The following FGD6 variants were observed in gnomAD, a reference collection of about 807,000 sequenced individuals.
The protein encoded by FGD6 is FYVE, RhoGEF and PH domain containing 6, also known as FYVE, RhoGEF and PH domain-containing protein 6.
A neutral mutation model predicts 149.4 loss-of-function variants in FGD6; 90 were observed. The observed-to-expected ratio is 0.60, with a 90% CI of 0.51 to 0.72. FGD6 has a LOEUF of 0.72. FGD6 is among the 30% of genes least tolerant of loss of function. FGD6 has a pLI of 0.00. For missense variants in FGD6, 1,437 were observed against 1,684.8 expected (o/e 0.85, Z 2.57); for synonymous variants, 527 against 584.0 (o/e 0.90, Z 1.41).
In FGD6 at chr12:95,172,752, C is replaced by G; in HGVS notation, c.2442-8G>C. 1 of 1,569,910 alleles carries G rather than the reference C, an allele frequency of 6.4e-7. No individual in the cohort carries two copies. Among genetic ancestry groups the G allele is most frequent in the Non-Finnish European group, 8.7e-7 (1 of 1,153,948 alleles). ...TCCTGGGATGCTCCTGAACTGCATT[C>G]AACAGAAAGCAGGTATTAGTCACCT... On this transcript the variant is annotated splice_region_variant and splice_polypyrimidine_tract_variant and intron_variant, in intron 2 of 20. Transcript: ENST00000343958.
chr12:95,118,673 GTT>G, intron 8 of FGD6, among the ~76,000 whole-genome samples: 1 of 152,288 alleles, frequency 6.6e-6, no homozygotes, highest in Non-Finnish European at 1.5e-5. Flanking sequence ...AAAGTCAAGT[GTT>G]TTGAATTTGA....
chr12:95,169,373 C>A (rs1421177393), intron 3 of FGD6, among the ~76,000 whole-genome samples: 1 of 150,978 alleles, frequency 6.6e-6, no homozygotes, highest in African/African-American at 2.4e-5. Flanking sequence ...CCATGATTAA[C>A]TAAAGAAATA....
intron 1 of FGD6, among the ~76,000 whole-genome samples, chr12:95,214,867 T>TC (rs2056746194): frequency 1.3e-5 from 2 of 148,978 alleles, no homozygotes; most frequent in South Asian, 4.3e-4. Context: ...TTTTCTTTTT[T>TC]TTTTTTTTTT....
intron 7 of FGD6, among the ~76,000 whole-genome samples, chr12:95,135,908 G>T (rs1879652579): frequency 2.0e-5 from 3 of 152,110 alleles, no homozygotes; most frequent in Admixed American, 6.6e-5. Flanking sequence ...CAAAACCTGG[G>T]TCAATCATCA....
At chr12:95,082,776 A>T (rs546651451) in intron 20 of FGD6, among the ~76,000 whole-genome samples, 2 of 151,136 alleles carry the variant, frequency 1.3e-5, no homozygotes, top group African/African-American at 4.8e-5. Context: ...ACTTGAGAGT[A>T]GTCTTTTTCC....
chr12:95,176,937 C>T (rs1316773405), intron 2 of FGD6, among the ~76,000 whole-genome samples: 3 of 152,146 alleles, frequency 2.0e-5, no homozygotes, highest in Non-Finnish European at 2.9e-5. Flanking sequence ...AAGCGATTCT[C>T]CCATCTCAGC....
chr12:95,163,533 C>A (rs181817190), intron 3 of FGD6, among the ~76,000 whole-genome samples: 14 of 152,288 alleles, frequency 9.2e-5, no homozygotes, highest in African/African-American at 3.4e-4. Context: ...GCACATAGCA[C>A]GCTGCTTGGT....
chr12:95,125,819 T>C (rs368425886), intron 8 of FGD6: 1 of 932,446 alleles, frequency 1.1e-6, no homozygotes, highest in Admixed American at 1.7e-5. Context: ...TTGGACCTCA[T>C]GCTGGAAAAT....
chr12:95,089,588 AT>A lies in FGD6; in HGVS notation c.3958del (p.Ile1320SerfsTer17). On this transcript the variant is annotated frameshift_variant, in exon 18 of 21. Coordinates refer to ENST00000343958, the MANE Select transcript of FGD6 (RefSeq NM_018351.4). LOFTEE classifies it high-confidence loss of function. ...SIPSGRKQKK[I>X]PAALKEVSAN... The stretch of plus-strand genomic sequence containing the variant: ...ACTTACTTCTTTGAGAGCAGCTGGG[AT>A]TTTTTTCTGTTTCCTCCCTGATGGA... The A allele has an allele frequency of 6.2e-7, 1 of 1,613,510 alleles. No individual in the cohort carries two copies. Among genetic ancestry groups the A allele is most frequent in the Non-Finnish European group, 8.5e-7 (1 of 1,179,694 alleles).
chr12:95,152,449 G>GA (rs1880340654), intron 5 of FGD6, among the ~76,000 whole-genome samples: 1 of 152,150 alleles, frequency 6.6e-6, no homozygotes, highest in African/African-American at 2.4e-5. Flanking sequence ...AAAATAGTAA[G>GA]AAAATTGCCT....
chr12:95,141,550 C>A lies in FGD6; in HGVS notation c.2686-11G>T. 6.2e-7 allele frequency: 1 copy of A among 1,613,720 alleles called. No individual in the cohort carries two copies. The highest frequency in any genetic ancestry group is 1.1e-5 in the South Asian group (1 of 91,050). ...TGCATCCCGGAAATCCTATTACAGT[C>A]CAGAGCAGGAAAAACAATACACACA... On this transcript the variant is annotated splice_polypyrimidine_tract_variant and intron_variant, in intron 5 of 20. Coordinates refer to ENST00000343958, the MANE Select transcript of FGD6 (RefSeq NM_018351.4).
rs1474032799 is a variant in FGD6 at position 95,137,511 on chromosome 12, G to C, written c.2994+11C>G. The C allele has an allele frequency of 6.4e-7, 1 of 1,556,358 alleles. No homozygotes were observed. The highest frequency in any genetic ancestry group is 2.3e-5 in the East Asian group (1 of 43,424). On this transcript the variant is annotated intron_variant, in intron 7 of 20. Coordinates refer to ENST00000343958, the MANE Select transcript of FGD6 (RefSeq NM_018351.4). ...AAAGAGAAGTGTTCAACATTAGATA[G>C]TAGCAAATACCTCAAATTCTCTAAC...
intron 15 of FGD6, 87 bp downstream of exon 15, chr12:95,094,505 C>T: frequency 1.2e-6 from 1 of 836,498 alleles, no homozygotes; most frequent in South Asian, 1.6e-5. Flanking sequence ...TTCTGAAACA[C>T]ATGTTGCTTT....
chr12:95,126,315 C>T, intron 8 of FGD6: 2 of 1,549,992 alleles, frequency 1.3e-6, no homozygotes, highest in Non-Finnish European at 1.8e-6. Context: ...GGCAGCACCT[C>T]CTCCAAAAGC....
chr12:95,160,051 C>A (rs1245252144), intron 3 of FGD6, among the ~76,000 whole-genome samples: 1 of 150,414 alleles, frequency 6.6e-6, no homozygotes, highest in Non-Finnish European at 1.5e-5. Context: ...CTCAATATAA[C>A]TCAAACAAAA....
rs367810700 is a variant in FGD6, at chr12:95,091,625, C to G, written c.3850+82G>C. 198 of 818,478 alleles carry G rather than the reference C, an allele frequency of 2.4e-4. No individual in the cohort carries two copies. In the East Asian group the frequency reaches 3.0e-3, roughly 12 times the overall value. The allele number at this position is 818,478 out of a possible 1,614,324, so 50.7% of individuals were successfully genotyped here. On this transcript the variant is annotated intron_variant, in intron 17 of 20. Transcript: ENST00000343958. ...ATCAACAATCATATTGCTAATGTAC[C>G]GAAGGTGTTTCTCTCAGAAGGTTGT...
intron 5 of FGD6, among the ~76,000 whole-genome samples, chr12:95,142,625 ATTTACTGTGTTTCC>A (rs1310015485): frequency 6.6e-6 from 1 of 152,072 alleles, no homozygotes; most frequent in East Asian, 1.9e-4. Context: ...TTTGCTCCTT[ATTTACTGTGTTTCC>A]TTGGGCCAGC....
intron 8 of FGD6, among the ~76,000 whole-genome samples, chr12:95,115,910 T>G (rs904996976): frequency 1.3e-5 from 2 of 152,236 alleles, no homozygotes; most frequent in African/African-American, 4.8e-5. Context: ...GCACTGGCAA[T>G]AAGCCATGGT....
At position 95,217,216 on chromosome 12, in the gene FGD6, G is replaced by A. The variant is rs1188013018; in HGVS notation, c.16+9C>T. ...ACTTTCCCGCGGCAGCGCGAGCGCC[G>A]TCACTTACCGGCTGCAGAAGTCATG... On this transcript the variant is annotated intron_variant, in intron 1 of 20. Coordinates refer to ENST00000343958, the MANE Select transcript of FGD6 (RefSeq NM_018351.4). 38 of 1,612,308 alleles carry A rather than the reference G, an allele frequency of 2.4e-5. No homozygotes were observed. The highest frequency in any genetic ancestry group is 3.1e-5 in the Non-Finnish European group (37 of 1,178,906).
Sources: allele counts gnomAD v4.1 joint callset (sites outside exome capture counted in the v4.1 genomes callset), GRCh38; gene constraint gnomAD v4.1.1; transcripts MANE v1.5; gene names NCBI Gene and HGNC (gene_info 2026-07-23, HGNC 2026-07-21).